Variants in ARHGEF10L observed in about 807,000 individuals in gnomAD.
The protein encoded by ARHGEF10L is rho guanine nucleotide exchange factor 10-like protein.
A neutral mutation model predicts 141.2 loss-of-function variants in ARHGEF10L; 69 were observed. The observed-to-expected ratio is 0.49, with a 90% CI of 0.40 to 0.60. The LOEUF (loss-of-function observed/expected upper bound fraction) is 0.60. Among genes scored for constraint, ARHGEF10L ranks in the 20% least tolerant of loss-of-function variants. The pLI is 0.00. For missense variants in ARHGEF10L, 1,482 were observed against 1,734.3 expected, an observed-to-expected ratio of 0.85 and a Z score of 2.58; for synonymous variants, 711 against 718.5, an observed-to-expected ratio of 0.99 and a Z score of 0.17.
intron 26 of ARHGEF10L, among the ~76,000 whole-genome samples, chr1:17,677,199 C>CG (rs1019605306): frequency 2.0e-5 from 3 of 152,138 alleles, no homozygotes; most frequent in African/African-American, 7.2e-5. Context: ...TACTGTGTGC[C>CG]GGGGGCTCAG....
chr1:17,666,625 C>T (rs35493100), intron 26 of ARHGEF10L, among the ~76,000 whole-genome samples: 20,698 of 152,048 alleles, frequency 0.14, 1,530 homozygotes, highest in Non-Finnish European at 0.16. Flanking sequence ...TTAGCACTCC[C>T]GGTTCCTCGG....
intron 4 of ARHGEF10L, among the ~76,000 whole-genome samples, chr1:17,589,469 G>T (rs1344342451): frequency 6.6e-6 from 1 of 152,178 alleles, no homozygotes; most frequent in Admixed American, 6.5e-5. Flanking sequence ...TGTCTTCCTG[G>T]GGTGCCCCAA....
chr1:17,574,502 T>C (rs114375116), intron 1 of ARHGEF10L, among the ~76,000 whole-genome samples: 2,714 of 152,270 alleles, frequency 0.018, 92 homozygotes, highest in African/African-American at 0.062. Context: ...CTACCAGTGT[T>C]GTCCAATGTC....
intron 20 of ARHGEF10L, 64 bp from the exon 21 acceptor site, chr1:17,640,138 C>G: frequency 6.4e-7 from 1 of 1,555,284 alleles, no homozygotes; most frequent in Non-Finnish European, 8.7e-7. Context: ...TACTACGTGA[C>G]AGCTGGGGGA....
At chr1:17,668,673 G>A (rs2063130459) in intron 26 of ARHGEF10L, among the ~76,000 whole-genome samples, 1 of 152,302 alleles carries the variant, frequency 6.6e-6, no homozygotes, top group African/African-American at 2.4e-5. Context: ...TCTGCAGCAG[G>A]GGCCAGAGGG....
In ARHGEF10L at chr1:17,697,185, C is replaced by T. The variant is rs752630047; in HGVS notation, c.3645C>T (p.Asp1215=). 16 of 1,611,918 alleles carry T rather than the reference C, an allele frequency of 9.9e-6. No homozygotes were observed. The highest frequency in any genetic ancestry group is 8.3e-5 in the Admixed American group (5 of 59,968). ...ACGGCTCCATTTACGAGATGGCCGA[C>T]GACCCCGACATCTGGGTGCGCAGCC... ...EEDGSIYEMA[D]DPDIWVRSRP... Residue 1215 remains aspartate (D), a synonymous_variant, in exon 29 of 29, where the codon GAC becomes GAT. Transcript: ENST00000361221. This position sits in a 1 kb window ranked among gnomAD's most constrained non-coding sequence, Gnocchi z 4.8.
chr1:17,518,802 CAAAAAAAAA>C, the ARHGEF10L span, among the ~76,000 whole-genome samples: 2 of 99,890 alleles, frequency 2.0e-5, no homozygotes, highest in Admixed American at 1.3e-4. Context: ...GATTCTGTCT[CAAAAAAAAA>C]AAAAAAAAAA....
intron 4 of ARHGEF10L, among the ~76,000 whole-genome samples, chr1:17,591,408 A>ATTT (rs35249582): frequency 8.3e-6 from 1 of 121,202 alleles, no homozygotes. Context: ...ATGCCTGGCT[A>ATTT]TTTTTTTTTT....
At chr1:17,531,944 C>T in the ARHGEF10L span, among the ~76,000 whole-genome samples, 1 of 152,204 alleles carries the variant, frequency 6.6e-6, no homozygotes, top group Non-Finnish European at 1.5e-5. Flanking sequence ...TGCCAGGCTG[C>T]AGCCATGGCC....
rs935168928 is a variant in ARHGEF10L, at chr1:17,609,099, A to G, written c.609+1122A>G. On this transcript the variant is annotated intron_variant, in intron 7 of 28. Coordinates refer to ENST00000361221, the MANE Select transcript of ARHGEF10L (RefSeq NM_018125.4). ...TGCCCAGCCTCAAGCTCCTTTTAAA[A>G]GATGTAGCGGGGCGGGAGAGCTCCA... 5.9e-5 allele frequency among the ~76,000 whole-genome samples: 9 copies of G among 152,210 alleles called. No homozygotes were observed. The South Asian group carries it at 1.0e-3, about 18-fold the overall frequency.
chr1:17,526,669 C>T, the ARHGEF10L span, among the ~76,000 whole-genome samples: 32 of 152,204 alleles, frequency 2.1e-4, no homozygotes, highest in African/African-American at 7.2e-4. Flanking sequence ...TTGGGGAGGC[C>T]GAGGTGGGCA....
At chr1:17,514,740 T>C in the ARHGEF10L span, among the ~76,000 whole-genome samples, 1 of 152,234 alleles carries the variant, frequency 6.6e-6, no homozygotes, top group Non-Finnish European at 1.5e-5. Flanking sequence ...TCTGGCTTAT[T>C]GCTTTTGAGG....
chr1:17,653,341 C>T (rs574277000), intron 22 of ARHGEF10L, among the ~76,000 whole-genome samples: 69 of 152,312 alleles, frequency 4.5e-4, no homozygotes, highest in Middle Eastern at 3.4e-3. Flanking sequence ...ACAGGCAAGA[C>T]ATTTAGGGGC....
chr1:17,556,269 C>G (rs1486159904), intron 1 of ARHGEF10L, among the ~76,000 whole-genome samples: 1 of 8,506 alleles, frequency 1.2e-4, no homozygotes, highest in South Asian at 4.0e-3. Flanking sequence ...GGGAGCATGG[C>G]GGCGGGGGGG....
chr1:17,536,205 C>T (rs535265509), upstream of ARHGEF10L, among the ~76,000 whole-genome samples: 11 of 152,306 alleles, frequency 7.2e-5, no homozygotes, highest in Non-Finnish European at 1.3e-4. Context: ...TGGGGCAGGG[C>T]ACAATGGCTC....
intron 25 of ARHGEF10L, among the ~76,000 whole-genome samples, chr1:17,663,575 A>C (rs868830974): frequency 5.2e-4 from 79 of 151,968 alleles, no homozygotes; most frequent in African/African-American, 1.8e-3. Flanking sequence ...AAAAAACAAA[A>C]AAAAACCACC....
intron 26 of ARHGEF10L, among the ~76,000 whole-genome samples, chr1:17,682,472 A>G (rs2064201176): frequency 6.6e-6 from 1 of 152,150 alleles, no homozygotes; most frequent in South Asian, 2.1e-4. Flanking sequence ...TTCAGCAGGG[A>G]CCAGGGGTGT....
chr1:17,653,474 C>T (rs1211807485), intron 22 of ARHGEF10L, among the ~76,000 whole-genome samples: 1 of 152,216 alleles, frequency 6.6e-6, no homozygotes, highest in Non-Finnish European at 1.5e-5. Context: ...TCAGCAGGGG[C>T]TGCCGTGGCC....
intron 9 of ARHGEF10L, chr1:17,618,512 C>T: frequency 2.1e-6 from 3 of 1,449,404 alleles, no homozygotes; most frequent in Non-Finnish European, 2.7e-6. Context: ...CCTCCTCTGT[C>T]TCCTGCTCAG....
Sources: gnomAD v4.1 joint callset for allele counts (sites outside exome capture counted in the v4.1 genomes callset) on GRCh38, gnomAD v4.1.1 for gene constraint, Gnocchi (gnomAD v3.1) non-coding constraint, MANE v1.5 for transcripts, NCBI Gene and HGNC (gene_info 2026-07-23, HGNC 2026-07-21) for gene names.